Variants in NTRK3 observed in about 807,000 individuals in gnomAD.
NTRK3 encodes neurotrophic receptor tyrosine kinase 3, also known as NT-3 growth factor receptor.
Under a neutral mutation model 91.7 loss-of-function variants are expected in NTRK3, and 24 were observed. The observed-to-expected ratio is 0.26, with a 90% CI of 0.19 to 0.37. NTRK3 has a LOEUF of 0.37. Ranked by LOEUF, NTRK3 falls within the 10% of genes least tolerant of loss-of-function variation. NTRK3 has a pLI of 1.00. For missense variants in NTRK3, 880 were observed against 1,068.9 expected (o/e 0.82, Z 2.46); for synonymous variants, 483 against 404.0 (o/e 1.20, Z -2.34).
intron 5 of NTRK3, among the ~76,000 whole-genome samples, chr15:88,147,872 GATCAAGAC>G (rs1199285504): frequency 1.3e-5 from 2 of 152,132 alleles, no homozygotes; most frequent in Admixed American, 6.5e-5. Context: ...GCCCACCAAT[GATCAAGAC>G]ATCAGCCTTT....
At chr15:87,981,510 T>G in intron 14 of NTRK3, 5 of 992,576 alleles carry the variant, frequency 5.0e-6, no homozygotes, top group Non-Finnish European at 6.2e-6. Context: ...GTGCCTGTAG[T>G]GGCAGCTGGT....
intron 17 of NTRK3, among the ~76,000 whole-genome samples, chr15:87,918,884 T>C (rs1472758616): frequency 6.6e-6 from 1 of 152,174 alleles, no homozygotes; most frequent in Admixed American, 6.5e-5. Context: ...AAGTGTTAAC[T>C]AGAGTTGAGG....
intron 13 of NTRK3, among the ~76,000 whole-genome samples, chr15:88,093,725 G>C (rs1429934200): frequency 6.6e-6 from 1 of 152,154 alleles, no homozygotes; most frequent in Non-Finnish European, 1.5e-5. Flanking sequence ...TGGACCAGAA[G>C]ACAGGGTTCT....
chr15:88,159,576 G>T (rs2044241051), intron 5 of NTRK3, among the ~76,000 whole-genome samples: 3 of 152,298 alleles, frequency 2.0e-5, no homozygotes, highest in Admixed American at 2.0e-4. Context: ...TGGGCAAGTT[G>T]ACTTTGGCTC....
At chr15:87,945,748 G>C (rs763612338) in intron 14 of NTRK3, among the ~76,000 whole-genome samples, 37 of 147,350 alleles carry the variant, frequency 2.5e-4, no homozygotes, top group South Asian at 1.3e-3. Context: ...GACCAGGGAG[G>C]AAGAGGGAAC....
intron 17 of NTRK3, among the ~76,000 whole-genome samples, chr15:87,884,252 G>A: frequency 6.6e-6 from 1 of 151,528 alleles, no homozygotes; most frequent in Middle Eastern, 3.4e-3. Context: ...AAATTTGAAA[G>A]TATACATGCA....
intron 13 of NTRK3, among the ~76,000 whole-genome samples, chr15:88,081,995 C>A (rs983525529): frequency 8.5e-5 from 13 of 152,290 alleles, no homozygotes; most frequent in Admixed American, 6.5e-5. Flanking sequence ...CTACAACAAT[C>A]TCCAAGCTCA....
Position 88,160,180 on chromosome 15 carries a change from C to T in NTRK3, c.396-12777G>A, listed in dbSNP as rs79500669. On this transcript the variant is annotated intron_variant, in intron 5 of 18. Transcript: ENST00000394480. ...GACCCAAAGCTGGAGCTGGGGAACC[C>T]AGAGGAAGGAGGGGCGCCCCAGCCA... Among the ~76,000 whole-genome samples the T allele has an allele frequency of 9.0e-3, 1,370 of 152,196 alleles. 24 individuals carry two copies. Among genetic ancestry groups the T allele is most frequent in the African/African-American group, 0.031 (1,296 of 41,534 alleles).
chr15:88,161,862 G>C (rs1474297341), intron 5 of NTRK3, among the ~76,000 whole-genome samples: 2 of 152,140 alleles, frequency 1.3e-5, no homozygotes, highest in Non-Finnish European at 1.5e-5. Flanking sequence ...CGTCCTGGGG[G>C]GCTGGGCATA....
intron 14 of NTRK3, among the ~76,000 whole-genome samples, chr15:87,996,074 T>C (rs887165655): frequency 6.6e-6 from 1 of 151,850 alleles, no homozygotes; most frequent in African/African-American, 2.4e-5. Context: ...CGAAACCCCA[T>C]CTCTACTAAA....
intron 14 of NTRK3, among the ~76,000 whole-genome samples, chr15:88,007,542 A>G (rs1237674322): frequency 6.6e-6 from 1 of 152,234 alleles, no homozygotes; most frequent in African/African-American, 2.4e-5. Context: ...AGGGATGGAC[A>G]GGAGACTCAC....
In NTRK3 at chr15:88,243,287, T is replaced by C. The variant is rs2052534176; in HGVS notation, c.248+12619A>G. Among the ~76,000 whole-genome samples the C allele has an allele frequency of 6.6e-6, 1 of 151,886 alleles. No individual in the cohort carries two copies. ...CTGCCACTTAAGAGGTGGCAGGGAG[T>C]CAGAAACACAATCTGGAGCAAAGCT... On this transcript the variant is annotated intron_variant, in intron 3 of 18. Transcript: ENST00000394480. The surrounding 1 kb of genome is among the most constrained non-coding windows in gnomAD (Gnocchi z 4.8).
chr15:88,062,116 C>T (rs547744196), intron 13 of NTRK3, among the ~76,000 whole-genome samples: 3 of 152,170 alleles, frequency 2.0e-5, no homozygotes, highest in South Asian at 2.1e-4. Flanking sequence ...TTAAAGTCTC[C>T]GGGAGGATGT....
At chr15:88,109,860 C>T in intron 13 of NTRK3, among the ~76,000 whole-genome samples, 1 of 152,198 alleles carries the variant, frequency 6.6e-6, no homozygotes, top group East Asian at 1.9e-4. Flanking sequence ...CTGCAGATTA[C>T]TCACAGCTTT....
At chr15:88,126,570 C>G (rs1193316752) in intron 12 of NTRK3, among the ~76,000 whole-genome samples, 197 bp from the exon 13 acceptor site, 1 of 152,092 alleles carries the variant, frequency 6.6e-6, no homozygotes, top group Non-Finnish European at 1.5e-5. Flanking sequence ...ATAAATTACC[C>G]AATTTGATTA....
chr15:87,916,400 C>T (rs899496575), intron 17 of NTRK3: 25 of 640,654 alleles, frequency 3.9e-5, no homozygotes, highest in Middle Eastern at 2.5e-4. Context: ...AGTAGAGAGA[C>T]GTGAATGACT....
intron 14 of NTRK3, among the ~76,000 whole-genome samples, chr15:87,955,724 A>G (rs1433390582): frequency 6.6e-6 from 1 of 152,148 alleles, no homozygotes; most frequent in Non-Finnish European, 1.5e-5. Flanking sequence ...CCCCCTGCCT[A>G]GTGGTACTGG....
intron 3 of NTRK3, among the ~76,000 whole-genome samples, chr15:88,249,855 A>C (rs1423070695): frequency 6.6e-6 from 1 of 152,172 alleles, no homozygotes; most frequent in Non-Finnish European, 1.5e-5. Flanking sequence ...CATCACCAGC[A>C]TCTGAGTGAC....
chr15:87,985,147 C>T (rs1038615430), intron 14 of NTRK3, among the ~76,000 whole-genome samples: 2 of 152,116 alleles, frequency 1.3e-5, no homozygotes, highest in African/African-American at 4.8e-5. Context: ...AAGGGGGAGA[C>T]AGCTCAGAAA....
Sources: allele counts gnomAD v4.1 joint callset (sites outside exome capture counted in the v4.1 genomes callset), GRCh38; gene constraint gnomAD v4.1.1; non-coding constraint Gnocchi (gnomAD v3.1); transcripts MANE v1.5; gene names NCBI Gene and HGNC (gene_info 2026-07-23, HGNC 2026-07-21).